The following AFG2A variants were observed in gnomAD, a reference collection of about 807,000 sequenced individuals.
The protein encoded by AFG2A is ATPase family gene 2 protein homolog A.
the AFG2A span, among the ~76,000 whole-genome samples, chr4:123,308,215 A>G: frequency 1.3e-5 from 2 of 152,246 alleles, no homozygotes; most frequent in Non-Finnish European, 2.9e-5. Flanking sequence ...AATTAGTTCT[A>G]CAGAAAGAAC....
the AFG2A span, among the ~76,000 whole-genome samples, chr4:123,041,413 G>A: frequency 6.8e-5 from 10 of 147,238 alleles, no homozygotes; most frequent in East Asian, 8.4e-4. Flanking sequence ...GAGCCACCGC[G>A]CCCGGCCTAT....
chr4:123,060,328 C>T, the AFG2A span, among the ~76,000 whole-genome samples: 2 of 152,404 alleles, frequency 1.3e-5, no homozygotes, highest in Admixed American at 6.5e-5. Flanking sequence ...TCCAACCCCA[C>T]ATTTCCCTTC....
chr4:122,979,181 T>C, the AFG2A span: 1 of 1,580,530 alleles, frequency 6.3e-7, no homozygotes, highest in Non-Finnish European at 8.6e-7. Flanking sequence ...CAATTCAGTC[T>C]GTATTTATGA....
At chr4:123,119,173 A>C in the AFG2A span, among the ~76,000 whole-genome samples, 1 of 152,110 alleles carries the variant, frequency 6.6e-6, no homozygotes, top group African/African-American at 2.4e-5. Flanking sequence ...CATAATTTCA[A>C]TGTCAAGTAA....
chr4:123,046,232 C>T, the AFG2A span, among the ~76,000 whole-genome samples: 126,711 of 152,164 alleles, frequency 0.83, 53,924 homozygotes, highest in East Asian at 0.97. Flanking sequence ...ACTATTTGTA[C>T]TGATGTCTCA....
At chr4:123,273,286 CT>C in the AFG2A span, among the ~76,000 whole-genome samples, 2 of 152,076 alleles carry the variant, frequency 1.3e-5, no homozygotes, top group Non-Finnish European at 2.9e-5. Context: ...TCTGATCCCT[CT>C]TTTTAAATAA....
chr4:123,215,910 T>C, the AFG2A span, among the ~76,000 whole-genome samples: 1 of 152,308 alleles, frequency 6.6e-6, no homozygotes, highest in South Asian at 2.1e-4. Flanking sequence ...TTCTTCTCTC[T>C]TGTTTTTTAC....
chr4:122,963,554 T>C, the AFG2A span, among the ~76,000 whole-genome samples: 1 of 152,302 alleles, frequency 6.6e-6, no homozygotes, highest in South Asian at 2.1e-4. Flanking sequence ...AGGAAACTTA[T>C]GTCAGATTAA....
chr4:123,281,323 G>A, the AFG2A span, among the ~76,000 whole-genome samples: 8 of 152,004 alleles, frequency 5.3e-5, no homozygotes, highest in South Asian at 4.2e-4. Flanking sequence ...CAAATGGCTC[G>A]CAAAAATTCT....
At chr4:123,287,678 T>C in the AFG2A span, among the ~76,000 whole-genome samples, 2 of 152,174 alleles carry the variant, frequency 1.3e-5, no homozygotes, top group African/African-American at 4.8e-5. Flanking sequence ...GGCACTAGCA[T>C]CTAATATTAG....
the AFG2A span, among the ~76,000 whole-genome samples, chr4:123,047,656 A>G: frequency 1.3e-5 from 2 of 148,200 alleles, no homozygotes; most frequent in Admixed American, 6.7e-5. Context: ...GATTTCCCCA[A>G]GTTTTCTTCT....
At chr4:123,270,411 G>C in the AFG2A span, among the ~76,000 whole-genome samples, 7 of 152,132 alleles carry the variant, frequency 4.6e-5, no homozygotes, top group African/African-American at 1.7e-4. Context: ...ACCTTCTGTG[G>C]GGAAGGGTAC....
At chr4:123,006,938 C>CTTTTTTTT in the AFG2A span, among the ~76,000 whole-genome samples, 2 of 146,704 alleles carry the variant, frequency 1.4e-5, no homozygotes, top group Non-Finnish European at 3.0e-5. Flanking sequence ...CTTTTACTCT[C>CTTTTTTTT]TTTTTTTTTC....
At chr4:123,203,041 C>T in the AFG2A span, among the ~76,000 whole-genome samples, 1 of 151,978 alleles carries the variant, frequency 6.6e-6, no homozygotes, top group African/African-American at 2.4e-5. Flanking sequence ...ATACATAAAT[C>T]AAAATGTCAC....
chr4:123,181,275 C>T, the AFG2A span, among the ~76,000 whole-genome samples: 5 of 151,930 alleles, frequency 3.3e-5, no homozygotes, highest in South Asian at 2.1e-4. Context: ...TGAGCCACTG[C>T]GCCCGGCCCT....
the AFG2A span, among the ~76,000 whole-genome samples, chr4:123,048,607 G>T: frequency 1.3e-5 from 2 of 151,920 alleles, no homozygotes; most frequent in Non-Finnish European, 1.5e-5. Flanking sequence ...TTATTCCTAG[G>T]TTTTTGTTTG....
chr4:123,018,770 A>C, the AFG2A span, among the ~76,000 whole-genome samples: 4 of 149,884 alleles, frequency 2.7e-5, no homozygotes, highest in Non-Finnish European at 5.9e-5. Context: ...AGTAGCTGGG[A>C]TTACTGGCAT....
At chr4:122,957,928 TGAA>T in the AFG2A span, among the ~76,000 whole-genome samples, 1 of 152,204 alleles carries the variant, frequency 6.6e-6, no homozygotes, top group African/African-American at 2.4e-5. Context: ...TTTGATTAGT[TGAA>T]GAATAATTTG....
At chr4:122,978,079 G>T in the AFG2A span, among the ~76,000 whole-genome samples, 2 of 152,058 alleles carry the variant, frequency 1.3e-5, no homozygotes, top group African/African-American at 4.8e-5. Flanking sequence ...GTGGAGAGGA[G>T]ACCAGAATGG....
Sources: allele counts gnomAD v4.1 joint callset (sites outside exome capture counted in the v4.1 genomes callset), GRCh38; gene constraint gnomAD v4.1.1; transcripts MANE v1.5; gene names NCBI Gene and HGNC (gene_info 2026-07-23, HGNC 2026-07-21).